Variants in AUTS2 observed in about 807,000 individuals in gnomAD.
The protein encoded by AUTS2 is activator of transcription and developmental regulator AUTS2.
In AUTS2, 17 loss-of-function variants were observed where a neutral mutation model predicts 112.4. The observed-to-expected ratio is 0.15, with a 90% CI of 0.10 to 0.23. AUTS2 has a LOEUF of 0.23. Among genes scored for constraint, AUTS2 ranks in the 10% least tolerant of loss-of-function variants. The pLI is 1.00. For missense variants in AUTS2, 1,510 were observed against 1,701.6 expected (o/e 0.89, Z 1.98); for synonymous variants, 751 against 702.7 (o/e 1.07, Z -1.09).
At chr7:70,123,458 G>A (rs567501128) in intron 3 of AUTS2, among the ~76,000 whole-genome samples, 1 of 152,122 alleles carries the variant, frequency 6.6e-6, no homozygotes, top group Admixed American at 6.5e-5. Flanking sequence ...TCATCACCCA[G>A]TAGTACCCAA....
intron 1 of AUTS2, among the ~76,000 whole-genome samples, chr7:69,722,764 T>C (rs1348348072): frequency 1.3e-5 from 2 of 152,194 alleles, no homozygotes; most frequent in Admixed American, 1.3e-4. Flanking sequence ...GTATGCTGCT[T>C]GGGAAATTAT....
intron 1 of AUTS2, among the ~76,000 whole-genome samples, chr7:69,705,535 A>C (rs1045541454): frequency 1.9e-4 from 29 of 152,248 alleles, no homozygotes; most frequent in African/African-American, 6.0e-4. Context: ...ATATTATTTC[A>C]GCTATATCAA....
In AUTS2 at chr7:70,791,108, C is replaced by A; in HGVS notation, c.*112C>A. 2 of 1,083,324 alleles carry A rather than the reference C, an allele frequency of 1.8e-6. No individual in the cohort carries two copies. The highest frequency in any genetic ancestry group is 1.2e-6 in the Non-Finnish European group (1 of 828,032). The allele number at this position is 1,083,324 out of a possible 1,614,324, so 67.1% of individuals were successfully genotyped here. On this transcript the variant is annotated 3_prime_UTR_variant, in exon 19 of 19. Coordinates refer to ENST00000342771, the MANE Select transcript of AUTS2 (RefSeq NM_015570.4). ...CACAGACTGGGGGGGAAAGCCCCAC[C>A]CCTTCCCCTTGTAAAAAATGTATAG...
chr7:69,713,155 A>G (rs1334486394), intron 1 of AUTS2, among the ~76,000 whole-genome samples: 5 of 152,200 alleles, frequency 3.3e-5, no homozygotes, highest in East Asian at 1.9e-4. Flanking sequence ...TGATGTTTCA[A>G]TATATGTGTA....
chr7:69,896,039 C>G (rs895695266), intron 1 of AUTS2, among the ~76,000 whole-genome samples: 5 of 152,166 alleles, frequency 3.3e-5, no homozygotes, highest in Admixed American at 3.3e-4. Flanking sequence ...TAGAAGCAGC[C>G]CATGATGGAA....
At chr7:70,752,168 GGAA>G (rs974434916) in intron 6 of AUTS2, among the ~76,000 whole-genome samples, 42 of 152,152 alleles carry the variant, frequency 2.8e-4, no homozygotes, top group Admixed American at 7.9e-4. Flanking sequence ...GGGGGTAGCA[GGAA>G]GGCTGCACTG....
chr7:69,934,717 A>G (rs1250092089), intron 2 of AUTS2, among the ~76,000 whole-genome samples: 2 of 152,160 alleles, frequency 1.3e-5, no homozygotes, highest in African/African-American at 4.8e-5. Context: ...CCACAACCAG[A>G]TACTGGTGCA....
intron 5 of AUTS2, chr7:70,436,692 T>C (rs1255509799): frequency 6.6e-6 from 1 of 152,272 alleles, no homozygotes; most frequent in Non-Finnish European, 1.5e-5. Flanking sequence ...ACCTCCTACA[T>C]GCTTGCGGAT....
At chr7:70,452,301 A>G (rs1254210489) in intron 5 of AUTS2, among the ~76,000 whole-genome samples, 1 of 152,124 alleles carries the variant, frequency 6.6e-6, no homozygotes, top group East Asian at 1.9e-4. Context: ...TCTACAAAAA[A>G]AATAAAAATT....
chr7:69,960,210 T>C (rs1057059189), intron 2 of AUTS2, among the ~76,000 whole-genome samples: 1 of 152,206 alleles, frequency 6.6e-6, no homozygotes, highest in Non-Finnish European at 1.5e-5. Flanking sequence ...TAAAAAAGTA[T>C]ATACAGCTAT....
At chr7:70,643,641 T>C (rs1805982209) in intron 5 of AUTS2, among the ~76,000 whole-genome samples, 1 of 152,180 alleles carries the variant, frequency 6.6e-6, no homozygotes, top group Admixed American at 6.5e-5. Context: ...CCTCTGCTGA[T>C]TTTCTGATTT....
intron 5 of AUTS2, among the ~76,000 whole-genome samples, chr7:70,564,545 T>C (rs1357442260): frequency 6.6e-6 from 1 of 152,232 alleles, no homozygotes; most frequent in Non-Finnish European, 1.5e-5. Context: ...GCTTAGTCTA[T>C]TAATATATTC....
At chr7:70,347,259 A>G (rs1393727846) in intron 4 of AUTS2, among the ~76,000 whole-genome samples, 1 of 152,054 alleles carries the variant, frequency 6.6e-6, no homozygotes, top group Admixed American at 6.6e-5. Context: ...GCTCAATTCT[A>G]GGTTTGAGTA....
intron 1 of AUTS2, among the ~76,000 whole-genome samples, chr7:69,632,565 C>T (rs1399829781): frequency 7.0e-6 from 1 of 143,266 alleles, no homozygotes; most frequent in Non-Finnish European, 1.5e-5. Flanking sequence ...CCTCTCCCTC[C>T]CCCTCTCCCC....
chr7:70,035,610 C>T (rs534657415), intron 2 of AUTS2, among the ~76,000 whole-genome samples: 1 of 152,272 alleles, frequency 6.6e-6, no homozygotes, highest in South Asian at 2.1e-4. Flanking sequence ...CAAAATTAGG[C>T]TTAAGAAACT....
chr7:69,636,866 C>T lies in AUTS2; in HGVS notation c.309+36904C>T, dbSNP rs557429271. 4.6e-5 allele frequency among the ~76,000 whole-genome samples: 7 copies of T among 152,172 alleles called. No homozygotes were observed. The East Asian group carries it at 7.8e-4, about 17-fold the overall frequency. On this transcript the variant is annotated intron_variant, in intron 1 of 18. Transcript: ENST00000342771. ...CTCCAAGTTCCGCCTCCCAGGTTCACGCCATTCTCCTGCCTCAGCCTCCTG... is the reference window on the plus strand; with the variant it reads ...CTCCAAGTTCCGCCTCCCAGGTTCATGCCATTCTCCTGCCTCAGCCTCCTG...
chr7:70,271,022 G>A (rs1787668008), intron 4 of AUTS2, among the ~76,000 whole-genome samples: 1 of 152,042 alleles, frequency 6.6e-6, no homozygotes, highest in African/African-American at 2.4e-5. Flanking sequence ...CGGTGAGAGG[G>A]CAGGCAGACC....
At chr7:70,540,163 C>T (rs1800491674) in intron 5 of AUTS2, among the ~76,000 whole-genome samples, 1 of 152,094 alleles carries the variant, frequency 6.6e-6, no homozygotes, top group African/African-American at 2.4e-5. Flanking sequence ...AAATAAGTGT[C>T]TCATAGTCCT....
intron 5 of AUTS2, among the ~76,000 whole-genome samples, chr7:70,583,174 G>A (rs1003183137): frequency 6.6e-6 from 1 of 152,230 alleles, no homozygotes; most frequent in Non-Finnish European, 1.5e-5. Context: ...AGCTTAGGCG[G>A]AGGGAAGCAC....
Sources: allele counts gnomAD v4.1 joint callset (sites outside exome capture counted in the v4.1 genomes callset), GRCh38; gene constraint gnomAD v4.1.1; transcripts MANE v1.5; gene names NCBI Gene and HGNC (gene_info 2026-07-23, HGNC 2026-07-21).